PDE7B: variants seen among roughly 807,000 people sequenced by gnomAD.
PDE7B encodes the protein phosphodiesterase 7B.
Under a neutral mutation model 56.2 loss-of-function variants are expected in PDE7B, and 29 were observed. The ratio of observed to expected loss-of-function variants is 0.52; its 90% confidence interval spans 0.38 to 0.70. The LOEUF is 0.70. Among genes scored for constraint, PDE7B ranks in the 30% least tolerant of loss-of-function variants. The probability of loss-of-function intolerance (pLI) is 0.00; values close to 1 mark genes in which losing one functional copy is unlikely to be tolerated. For synonymous variants in PDE7B, 197 were observed against 196.9 expected, an observed-to-expected ratio of 1.00 and a Z score of 0.00; for missense variants, 490 against 565.0, an observed-to-expected ratio of 0.87 and a Z score of 1.35.
In PDE7B at chr6:135,976,522, C is replaced by A. The variant is rs537378694; in HGVS notation, c.82+28998C>A. On this transcript the variant is annotated intron_variant, in intron 2 of 12. Transcript: ENST00000308191. Reference sequence around the variant, plus strand: ...AGACCTCAAAGAAGATGAAGGACAGCTTTCCATTTTTTCTTCCTTAGGTCT... The same window carrying A: ...AGACCTCAAAGAAGATGAAGGACAGATTTCCATTTTTTCTTCCTTAGGTCT... Among the ~76,000 whole-genome samples the A allele has an allele frequency of 5.9e-4, 90 of 152,290 alleles. 1 individual carries two copies. Among genetic ancestry groups the A allele is most frequent in the African/African-American group, 2.1e-3 (89 of 41,572 alleles).
At chr6:136,159,532 G>C (rs1267894698) in intron 8 of PDE7B, among the ~76,000 whole-genome samples, 1 of 152,112 alleles carries the variant, frequency 6.6e-6, no homozygotes, top group East Asian at 1.9e-4. Context: ...TTCTTCAAGG[G>C]CCAAGGTCTT....
chr6:136,190,284 T>G (rs1479315597), intron 12 of PDE7B, among the ~76,000 whole-genome samples: 1 of 152,224 alleles, frequency 6.6e-6, no homozygotes, highest in African/African-American at 2.4e-5. Flanking sequence ...CTGGTTTAAC[T>G]TTCCCCCTCC....
chr6:135,979,635 T>A (rs986132721), intron 2 of PDE7B, among the ~76,000 whole-genome samples: 1 of 152,122 alleles, frequency 6.6e-6, no homozygotes, highest in Non-Finnish European at 1.5e-5. Context: ...TCACAAGTAT[T>A]CTTATACACC....
At chr6:136,185,004 C>T (rs1779121674) in intron 11 of PDE7B, among the ~76,000 whole-genome samples, 1 of 152,126 alleles carries the variant, frequency 6.6e-6, no homozygotes, top group African/African-American at 2.4e-5. Flanking sequence ...CAAAGTGTCA[C>T]ACTTGACTGA....
chr6:136,076,462 A>C (rs1343542107), intron 2 of PDE7B, among the ~76,000 whole-genome samples: 2 of 152,094 alleles, frequency 1.3e-5, no homozygotes, highest in Non-Finnish European at 2.9e-5. Flanking sequence ...AACAGAGCAA[A>C]ACTCTGTCTC....
intron 9 of PDE7B, among the ~76,000 whole-genome samples, chr6:136,176,841 C>G (rs531147718): frequency 6.6e-6 from 1 of 152,218 alleles, no homozygotes; most frequent in Admixed American, 6.5e-5. Flanking sequence ...TTAGCAGTTA[C>G]TTTTAATCCT....
intron 2 of PDE7B, among the ~76,000 whole-genome samples, chr6:135,969,723 A>G (rs1289591806): frequency 6.6e-6 from 1 of 152,238 alleles, no homozygotes; most frequent in Non-Finnish European, 1.5e-5. Flanking sequence ...CAAAGATTTC[A>G]TGATGAAAAC....
At chr6:135,985,163 G>A (rs1489393565) in intron 2 of PDE7B, among the ~76,000 whole-genome samples, 3 of 152,142 alleles carry the variant, frequency 2.0e-5, no homozygotes, top group African/African-American at 7.2e-5. Context: ...GTAAGAAAAG[G>A]ACTGTCATGC....
intron 2 of PDE7B, among the ~76,000 whole-genome samples, chr6:136,074,593 A>G (rs984865191): frequency 6.6e-6 from 1 of 152,050 alleles, no homozygotes; most frequent in African/African-American, 2.4e-5. Flanking sequence ...ACTTCCCAGC[A>G]TTTGGTAACC....
chr6:135,982,087 A>C (rs1458714521), intron 2 of PDE7B, among the ~76,000 whole-genome samples: 2 of 152,138 alleles, frequency 1.3e-5, no homozygotes, highest in African/African-American at 4.8e-5. Context: ...CTTACACAGC[A>C]CATGACTATA....
intron 1 of PDE7B, among the ~76,000 whole-genome samples, chr6:135,864,090 T>A (rs911194928): frequency 5.9e-5 from 9 of 152,088 alleles, no homozygotes; most frequent in African/African-American, 9.7e-5. Context: ...TTTAGCTTGT[T>A]ACTTTTACAT....
chr6:136,171,560 T>C (rs1345042526), intron 8 of PDE7B, among the ~76,000 whole-genome samples: 4 of 152,178 alleles, frequency 2.6e-5, no homozygotes, highest in African/African-American at 9.7e-5. Context: ...CTCCATTCAG[T>C]TTGCTAGTAT....
intron 1 of PDE7B, among the ~76,000 whole-genome samples, chr6:135,928,039 CATCATCAGTA>C (rs888551206): frequency 3.3e-5 from 5 of 152,044 alleles, no homozygotes; most frequent in Non-Finnish European, 7.4e-5. Flanking sequence ...AAAAAATGCT[CATCATCAGTA>C]ATCATTAGAG....
At chr6:135,886,533 T>G (rs1207418878) in intron 1 of PDE7B, among the ~76,000 whole-genome samples, 2 of 77,502 alleles carry the variant, frequency 2.6e-5, no homozygotes, top group African/African-American at 1.6e-4. Context: ...CCTCTCAACC[T>G]ACCCTGAGTC....
chr6:136,000,501 T>G (rs566507283), intron 2 of PDE7B, among the ~76,000 whole-genome samples: 9 of 152,188 alleles, frequency 5.9e-5, no homozygotes, highest in Non-Finnish European at 8.8e-5. Context: ...ATTTATTGAA[T>G]AGTGAGTCTT....
chr6:136,031,811 T>TA (rs1489532273), intron 2 of PDE7B, among the ~76,000 whole-genome samples: 1 of 151,916 alleles, frequency 6.6e-6, no homozygotes, highest in Admixed American at 6.6e-5. Context: ...GTCATTTATA[T>TA]AAAAAATCTT....
At chr6:135,950,888 C>T (rs1022696560) in intron 2 of PDE7B, among the ~76,000 whole-genome samples, 3 of 152,106 alleles carry the variant, frequency 2.0e-5, no homozygotes, top group Non-Finnish European at 2.9e-5. Context: ...TTAAATGAGA[C>T]ATAAGTGTAA....
intron 1 of PDE7B, among the ~76,000 whole-genome samples, chr6:135,893,554 C>T (rs1013420322): frequency 2.6e-5 from 4 of 152,108 alleles, no homozygotes; most frequent in African/African-American, 9.7e-5. Flanking sequence ...AACACTTTTA[C>T]ACTGTTGGTG....
At chr6:135,983,949 A>G (rs1775337605) in intron 2 of PDE7B, among the ~76,000 whole-genome samples, 2 of 152,240 alleles carry the variant, frequency 1.3e-5, no homozygotes, top group South Asian at 4.1e-4. Flanking sequence ...ATGTATTCCC[A>G]TCATTAGTAA....
Sources: allele counts gnomAD v4.1 joint callset (sites outside exome capture counted in the v4.1 genomes callset), GRCh38; gene constraint gnomAD v4.1.1; transcripts MANE v1.5; gene names NCBI Gene and HGNC (gene_info 2026-07-23, HGNC 2026-07-21).